The following TMTC1 variants were observed in gnomAD, a reference collection of about 807,000 sequenced individuals.
TMTC1 encodes the protein transmembrane O-mannosyltransferase targeting cadherins 1.
Under a neutral mutation model 104.8 loss-of-function variants are expected in TMTC1, and 73 were observed. That is an observed-to-expected ratio of 0.70 (90% CI 0.58 to 0.85). TMTC1 has a LOEUF of 0.85. Among genes scored for constraint, TMTC1 ranks in the 40% least tolerant of loss-of-function variants. The pLI, the probability that TMTC1 is intolerant of heterozygous loss-of-function variation, is 0.00. For missense variants in TMTC1, 1,035 were observed against 1,096.1 expected (o/e 0.94, Z 0.79); for synonymous variants, 434 against 428.7 (o/e 1.01, Z -0.15).
intron 7 of TMTC1, among the ~76,000 whole-genome samples, chr12:29,593,645 G>A (rs752190557): frequency 6.6e-6 from 1 of 152,148 alleles, no homozygotes; most frequent in Non-Finnish European, 1.5e-5. Flanking sequence ...ACAAACAAGC[G>A]CTTAAGCAAA....
At chr12:29,765,443 C>T (rs185611412) in intron 2 of TMTC1, among the ~76,000 whole-genome samples, 1 of 152,138 alleles carries the variant, frequency 6.6e-6, no homozygotes, top group Admixed American at 6.5e-5. Context: ...CTCATACTTT[C>T]ATTGTATTTC....
chr12:29,768,309 A>C (rs1228661685), intron 1 of TMTC1, among the ~76,000 whole-genome samples: 1 of 152,148 alleles, frequency 6.6e-6, no homozygotes, highest in African/African-American at 2.4e-5. Context: ...TATTTCAGGG[A>C]ACTTTGGTCT....
Position 29,721,261 on chromosome 12 carries a change from G to A in TMTC1, c.938+30405C>T, listed in dbSNP as rs1264640404. 2.6e-5 allele frequency among the ~76,000 whole-genome samples: 4 copies of A among 152,194 alleles called. No homozygotes were observed. In the East Asian group the frequency reaches 7.7e-4, roughly 29 times the overall value. ...ACTACTTGATAATAATAGGATATAT[G>A]TCATGAGAGATCTACTGTATTTACT... On this transcript the variant is annotated intron_variant, in intron 5 of 17. Transcript: ENST00000539277.
At chr12:29,583,375 G>T (rs371943608) in intron 8 of TMTC1, 32 bp downstream of exon 8, 1 of 1,588,626 alleles carries the variant, frequency 6.3e-7, no homozygotes, top group Non-Finnish European at 8.6e-7. Flanking sequence ...AAATAAACAG[G>T]AAGATATTTA....
chr12:29,716,044 G>T (rs1942072466), intron 5 of TMTC1, among the ~76,000 whole-genome samples: 1 of 146,018 alleles, frequency 6.8e-6, no homozygotes, highest in Non-Finnish European at 1.5e-5. Context: ...TTAGAAACAG[G>T]GTCTCACTCT....
intron 7 of TMTC1, among the ~76,000 whole-genome samples, chr12:29,597,645 T>C (rs1292280834): frequency 6.8e-6 from 1 of 147,496 alleles, no homozygotes; most frequent in African/African-American, 2.5e-5. Context: ...AAAAAAGCAG[T>C]GCATAAAGCT....
chr12:29,594,627 G>T (rs974173376), intron 7 of TMTC1, among the ~76,000 whole-genome samples: 39 of 151,958 alleles, frequency 2.6e-4, no homozygotes, highest in Middle Eastern at 3.4e-3. Context: ...GAAAAGGAAA[G>T]AAAGAAATTC....
chr12:29,558,105 C>T (rs979654477), intron 9 of TMTC1, among the ~76,000 whole-genome samples: 1 of 152,100 alleles, frequency 6.6e-6, no homozygotes, highest in African/African-American at 2.4e-5. Flanking sequence ...ATTTCCTAAA[C>T]TCAAAACTAT....
intron 5 of TMTC1, among the ~76,000 whole-genome samples, chr12:29,660,349 T>C (rs1333808052): frequency 6.6e-6 from 1 of 152,204 alleles, no homozygotes; most frequent in Non-Finnish European, 1.5e-5. Flanking sequence ...ATAAACTTCA[T>C]TGAGTAACCT....
upstream of TMTC1, chr12:29,784,191 G>C (rs1294231235): frequency 6.6e-6 from 1 of 152,100 alleles, no homozygotes; most frequent in African/African-American, 2.4e-5. Flanking sequence ...TCACCCCCAC[G>C]CCCCCGCCCC....
intron 8 of TMTC1, among the ~76,000 whole-genome samples, chr12:29,579,241 A>C (rs1945909069): frequency 6.6e-6 from 1 of 152,230 alleles, no homozygotes. Context: ...ATTGGCAAGC[A>C]AAACTACAGC....
chr12:29,502,210 T>C lies in TMTC1; in HGVS notation c.*4636A>G, dbSNP rs1282125285. ...ACATATAATCAAATCAAAGTAAACATAATTTGGAAACCAGGAACAAAAATT... is the reference window on the plus strand; with the variant it reads ...ACATATAATCAAATCAAAGTAAACACAATTTGGAAACCAGGAACAAAAATT... On this transcript the variant is annotated 3_prime_UTR_variant, in exon 18 of 18. Transcript: ENST00000539277. The C allele has an allele frequency of 6.6e-6, 1 of 152,106 alleles. No homozygotes were observed. Among genetic ancestry groups the C allele is most frequent in the African/African-American group, 2.4e-5 (1 of 41,422 alleles). 9.4% of individuals were successfully genotyped at this position (152,106 alleles called of 1,614,324 possible).
intron 2 of TMTC1, among the ~76,000 whole-genome samples, chr12:29,766,119 AG>A (rs1335550010): frequency 6.6e-6 from 1 of 152,210 alleles, no homozygotes; most frequent in Non-Finnish European, 1.5e-5. Context: ...ATCCACTTAA[AG>A]GCACCTTGCT....
intron 6 of TMTC1, among the ~76,000 whole-genome samples, chr12:29,619,737 A>AATTTCCCAT (rs1334141155): frequency 6.6e-6 from 1 of 152,240 alleles, no homozygotes; most frequent in Non-Finnish European, 1.5e-5. Context: ...TAAGTCACTA[A>AATTTCCCAT]ATTTCCCATT....
At chr12:29,522,466 T>G (rs1169740416) in intron 11 of TMTC1, among the ~76,000 whole-genome samples, 1 of 152,138 alleles carries the variant, frequency 6.6e-6, no homozygotes, top group Non-Finnish European at 1.5e-5. Context: ...ATTCAAAAAA[T>G]TTAAAGATGA....
intron 2 of TMTC1, among the ~76,000 whole-genome samples, chr12:29,760,986 A>AT (rs201231885): frequency 6.8e-6 from 1 of 147,414 alleles, no homozygotes. Context: ...TATATTATGT[A>AT]TTTTTTATAT....
intron 5 of TMTC1, among the ~76,000 whole-genome samples, chr12:29,672,220 C>T (rs1940544599): frequency 6.6e-6 from 1 of 152,148 alleles, no homozygotes; most frequent in Non-Finnish European, 1.5e-5. Flanking sequence ...TACCTGGTGC[C>T]ATCCCTGTCT....
rs73271786 is a variant in TMTC1, at chr12:29,689,983, C to T, written c.939-56647G>A. Among the ~76,000 whole-genome samples, 701 of 152,266 alleles carry T rather than the reference C, an allele frequency of 4.6e-3. 10 individuals are homozygous for T. The highest frequency in any genetic ancestry group is 0.016 in the African/African-American group (671 of 41,546). ...GCCCTGTTACTTAAACAAGATTGTA[C>T]CCCCAACAGCCATGCCCACACTTAG... On this transcript the variant is annotated intron_variant, in intron 5 of 17. Coordinates refer to ENST00000539277, the MANE Select transcript of TMTC1 (RefSeq NM_001193451.2).
chr12:29,505,275 T>A lies in TMTC1; in HGVS notation c.*1571A>T, dbSNP rs945232849. 1 of 152,266 alleles carries A rather than the reference T, an allele frequency of 6.6e-6. No homozygotes were observed. Among genetic ancestry groups the A allele is most frequent in the Admixed American group, 6.5e-5 (1 of 15,288 alleles). 9.4% of individuals were successfully genotyped at this position (152,266 alleles called of 1,614,324 possible). On this transcript the variant is annotated 3_prime_UTR_variant, in exon 18 of 18. Transcript: ENST00000539277. ...TGCCCTGGCCTGAGCATGCGAATTATGTGAGCCTTTAGGCTACTATGTCTG... is the reference window on the plus strand; with the variant it reads ...TGCCCTGGCCTGAGCATGCGAATTAAGTGAGCCTTTAGGCTACTATGTCTG...
Sources: allele counts gnomAD v4.1 joint callset (sites outside exome capture counted in the v4.1 genomes callset), GRCh38; gene constraint gnomAD v4.1.1; transcripts MANE v1.5; gene names NCBI Gene and HGNC (gene_info 2026-07-23, HGNC 2026-07-21).